Variants in ADGRG3 observed in about 807,000 individuals in gnomAD.
ADGRG3 encodes the protein adhesion G protein-coupled receptor G3.
ADGRG3 carries 39 observed loss-of-function variants against 54.3 expected under a neutral mutation model. The ratio of observed to expected loss-of-function variants is 0.72; its 90% CI spans 0.56 to 0.94. The LOEUF is 0.94. Among genes scored for constraint, ADGRG3 ranks in the 40% least tolerant of loss-of-function variants. ADGRG3 has a pLI of 0.00. For missense variants in ADGRG3, 654 were observed against 694.6 expected (o/e 0.94, Z 0.66); for synonymous variants, 312 against 290.0 (o/e 1.08, Z -0.77).
intron 1 of ADGRG3, among the ~76,000 whole-genome samples, chr16:57,671,106 G>C (rs1426316631): frequency 1.3e-5 from 2 of 152,126 alleles, no homozygotes; most frequent in African/African-American, 2.4e-5. Flanking sequence ...AGTGGCCGCA[G>C]ATATACAGGT....
rs2048459749 is a variant in ADGRG3, at chr16:57,685,648, G to A, written c.1262G>A (p.Trp421Ter). Reference sequence around the variant, plus strand: ...ACAGCTGCCCCCTCCTCCAGATGCTGGTTCCGTGAAGGGACAACCATGTAC... The same window carrying A: ...ACAGCTGCCCCCTCCTCCAGATGCTAGTTCCGTGAAGGGACAACCATGTAC... ...RENRTSLELC[W>*]FREGTTMYAL... Residue 421 changes from tryptophan (W) to a stop codon, truncating the protein, a stop_gained, in exon 11 of 12, where the codon TGG becomes TAG. Coordinates refer to ENST00000333493, the MANE Select transcript of ADGRG3 (RefSeq NM_170776.5). LOFTEE classifies it high-confidence loss of function. The A allele has an allele frequency of 6.2e-7, 1 of 1,613,598 alleles. No homozygotes were observed. The highest frequency in any genetic ancestry group is 1.1e-5 in the South Asian group (1 of 91,080).
intron 10 of ADGRG3, 58 bp downstream of exon 10, chr16:57,684,541 G>C (rs1434145614): frequency 7.8e-7 from 1 of 1,289,642 alleles, no homozygotes; most frequent in African/African-American, 1.5e-5. Context: ...ACATATTGGG[G>C]CTGGAGAGAG....
At position 57,684,094 on chromosome 16, in the gene ADGRG3, C is replaced by T. The variant is rs368898879; in HGVS notation, c.1044C>T (p.Phe348=). ...CCCGGGGGGCTGTCTTCCACTACTT[C>T]CTGCTCTGTGCCTTCACCTGGATGG... ...CWARGAVFHY[F]LLCAFTWMGL... is the part of the protein sequence containing the mutation. The change falls in exon 9 of 12, where the codon TTC becomes TTT. Residue 348 remains phenylalanine, a synonymous_variant. Transcript: ENST00000333493. 1.1e-4 allele frequency: 185 copies of T among 1,613,972 alleles called. No homozygotes were observed. Among genetic ancestry groups the T allele is most frequent in the Middle Eastern group, 3.3e-4 (2 of 6,080 alleles).
chr16:57,679,764 C>T, intron 5 of ADGRG3, 52 bp from the exon 6 acceptor site: 1 of 1,469,582 alleles, frequency 6.8e-7, no homozygotes, highest in African/African-American at 1.4e-5. Flanking sequence ...TTCCCCTGCC[C>T]TCCCCCAAAC....
chr16:57,669,071 G>T (rs2048103782), intron 1 of ADGRG3, among the ~76,000 whole-genome samples: 3 of 152,184 alleles, frequency 2.0e-5, no homozygotes, highest in Non-Finnish European at 4.4e-5. Flanking sequence ...CACTTAGCCA[G>T]CTCCATTTAC....
chr16:57,684,035 A>T lies in ADGRG3; in HGVS notation c.985A>T (p.Ser329Cys). 1 of 1,613,472 alleles carries T rather than the reference A, an allele frequency of 6.2e-7. No individual in the cohort carries two copies. Reference sequence around the variant, plus strand: ...TCTGGCCTTCTTGGTCAATGTGGGGAGTGGCTCAAAGGGGTCTGATGCTGC... The same window carrying T: ...TCTGGCCTTCTTGGTCAATGTGGGGTGTGGCTCAAAGGGGTCTGATGCTGC... The part of the protein sequence containing the change: ...LNLAFLVNVG[S>C]GSKGSDAACW... The change falls in exon 9 of 12, where the codon AGT becomes TGT. Residue 329 changes from serine (S) to cysteine (C), a missense_variant. Physicochemically the swap from Ser to Cys is moderately radical, Grantham distance 112 (BLOSUM62 -1). Transcript: ENST00000333493.
rs567086842 is a variant in ADGRG3 at position 57,683,888 on chromosome 16, C to T, written c.882-44C>T. ...GCTTGGGTGCCTCATGGGAGCTCCC[C>T]ATGGGAGCTGTGGCCCCTTGGGGCC... On this transcript the variant is annotated intron_variant, in intron 8 of 11. Coordinates refer to ENST00000333493, the MANE Select transcript of ADGRG3 (RefSeq NM_170776.5). The T allele has an allele frequency of 8.0e-6, 12 of 1,496,632 alleles. No individual in the cohort carries two copies. The Admixed American group carries it at 2.3e-4, about 28-fold the overall frequency. The allele number at this position is 1,496,632 out of a possible 1,614,324, so 92.7% of individuals were successfully genotyped here. A position where few individuals can be genotyped will look rare whatever the true frequency, so the allele number is the denominator to read the frequency against.
chr16:57,666,119 C>T (rs1417331314), upstream of ADGRG3, among the ~76,000 whole-genome samples: 1 of 152,192 alleles, frequency 6.6e-6, no homozygotes, highest in Admixed American at 6.5e-5. Flanking sequence ...AAGCCAGCTT[C>T]CCTCCTTACA....
In ADGRG3 at chr16:57,678,261, C is replaced by A. The variant is rs1448789980; in HGVS notation, c.437C>A (p.Ser146Tyr). 17 of 1,614,200 alleles carry A rather than the reference C, an allele frequency of 1.1e-5. No individual in the cohort carries two copies. The highest frequency in any genetic ancestry group is 1.4e-5 in the Non-Finnish European group (17 of 1,180,026). The change falls in exon 4 of 12, where the codon TCT (serine) becomes TAT (tyrosine). Residue 146 changes from serine to tyrosine, a missense_variant. Physicochemically the swap from Ser to Tyr is moderately radical, Grantham distance 144 (BLOSUM62 -2). Transcript: ENST00000333493. ...SLFRSLPGNR[S>Y]VVRLAVTILD... ...TTTCGATCCCTGCCAGGCAACAGGT[C>A]TGTGGTCCGCTTGGCCGTCACCATT... is the stretch of plus-strand genomic sequence containing the variant.
chr16:57,671,332 G>GTTTTTTT (rs60592653), intron 1 of ADGRG3, among the ~76,000 whole-genome samples: 1 of 86,340 alleles, frequency 1.2e-5, no homozygotes, highest in Non-Finnish European at 2.2e-5. Context: ...TAGAATAGGA[G>GTTTTTTT]TTTTTTTTTT....
chr16:57,683,087 G>A (rs2048404978), intron 8 of ADGRG3, among the ~76,000 whole-genome samples: 1 of 152,276 alleles, frequency 6.6e-6, no homozygotes, highest in Admixed American at 6.5e-5. Context: ...GGCAGAAGAA[G>A]AGGAGTCAGG....
chr16:57,683,055 A>C (rs2048403749), intron 8 of ADGRG3, among the ~76,000 whole-genome samples: 1 of 152,244 alleles, frequency 6.6e-6, no homozygotes. Flanking sequence ...CCCAGAAGGA[A>C]ACCTCCAAGG....
rs762804141 is a variant in ADGRG3 at position 57,676,215 on chromosome 16, C to G, written c.222C>G (p.Tyr74Ter). 6.2e-7 allele frequency: 1 copy of G among 1,613,806 alleles called. No homozygotes were observed. Among genetic ancestry groups the G allele is most frequent in the Non-Finnish European group, 8.5e-7 (1 of 1,179,894 alleles). ...CCCTTTGCAGATACTGGCTAAACTA[C>G]GAGGCCCATCTGATGAAGGAAGGTT... ...VENLQRYWLN[Y>*]EAHLMKEGLT... Residue 74 changes from tyrosine to a stop codon, truncating the protein, a stop_gained, in exon 3 of 12, where the codon TAC (tyrosine) becomes TAG (stop). Transcript: ENST00000333493. LOFTEE classifies it high-confidence loss of function.
Position 57,678,283 on chromosome 16 carries a change from C to T in ADGRG3, c.459C>T (p.Thr153=). 1 of 1,614,202 alleles carries T rather than the reference C, an allele frequency of 6.2e-7. No homozygotes were observed. Among genetic ancestry groups the T allele is most frequent in the Non-Finnish European group, 8.5e-7 (1 of 1,180,030 alleles). The change falls in exon 4 of 12, where the codon ACC becomes ACT. Residue 153 remains threonine (T), a synonymous_variant. Coordinates refer to ENST00000333493, the MANE Select transcript of ADGRG3 (RefSeq NM_170776.5). ...GNRSVVRLAV[T]ILDIGPGTLF... The stretch of plus-strand genomic sequence containing the variant: ...GGTCTGTGGTCCGCTTGGCCGTCAC[C>T]ATTCTGGACATTGGTCCAGGGACTC...
intron 8 of ADGRG3, among the ~76,000 whole-genome samples, chr16:57,681,735 AAAAAAAAAAAAG>A (rs1356162873): frequency 2.0e-5 from 3 of 148,408 alleles, no homozygotes; most frequent in South Asian, 2.1e-4. Context: ...TCAAAAAAAA[AAAAAAAAAAAAG>A]AGAGAGAGAG....
rs138295094 is a variant in ADGRG3 at position 57,681,447 on chromosome 16, G to A, written c.881+830G>A. Among the ~76,000 whole-genome samples the A allele has an allele frequency of 4.1e-3, 621 of 152,272 alleles. 3 individuals carry two copies. Among genetic ancestry groups the A allele is most frequent in the South Asian group, 9.5e-3 (46 of 4,822 alleles). ...AAAATGAAAATAAAGAAGGCTGGGCGTAGTAGCTCATGCCTGTAATCCCAG... is the reference window on the plus strand; with the variant it reads ...AAAATGAAAATAAAGAAGGCTGGGCATAGTAGCTCATGCCTGTAATCCCAG... On this transcript the variant is annotated intron_variant, in intron 8 of 11. Coordinates refer to ENST00000333493, the MANE Select transcript of ADGRG3 (RefSeq NM_170776.5).
At chr16:57,687,684 A>T (rs1361122182) in intron 11 of ADGRG3, among the ~76,000 whole-genome samples, 1 of 152,254 alleles carries the variant, frequency 6.6e-6, no homozygotes, top group Non-Finnish European at 1.5e-5. Context: ...GTGGAGAATC[A>T]TGAGTCCATG....
intron 4 of ADGRG3, 40 bp downstream of exon 4, chr16:57,678,356 C>T (rs758064791): frequency 1.2e-5 from 20 of 1,601,000 alleles, no homozygotes; most frequent in Non-Finnish European, 1.7e-5. Flanking sequence ...GTGCTAGGTC[C>T]TCTGGGGGCT....
At chr16:57,669,647 C>T (rs2048117700) in intron 1 of ADGRG3, among the ~76,000 whole-genome samples, 1 of 152,216 alleles carries the variant, frequency 6.6e-6, no homozygotes, top group African/African-American at 2.4e-5. Flanking sequence ...AAGGTCTGCA[C>T]ACTTCCTGTG....
Sources: gnomAD v4.1 joint callset for allele counts (sites outside exome capture counted in the v4.1 genomes callset) on GRCh38, gnomAD v4.1.1 for gene constraint, MANE v1.5 for transcripts, NCBI Gene and HGNC (gene_info 2026-07-23, HGNC 2026-07-21) for gene names.